MTAP: variants seen among roughly 807,000 people sequenced by gnomAD.
MTAP encodes S-methyl-5'-thioadenosine phosphorylase.
A neutral mutation model predicts 33.6 loss-of-function variants in MTAP; 33 were observed. The ratio of observed to expected loss-of-function variants is 0.98; its 90% CI spans 0.74 to 1.31. The LOEUF (loss-of-function observed/expected upper bound fraction) is 1.31. Among genes scored for constraint, MTAP ranks in the 40% most tolerant of loss-of-function variants. The pLI, the probability that MTAP is intolerant of heterozygous loss-of-function variation, is 0.00. For synonymous variants in MTAP, 148 were observed against 125.7 expected (o/e 1.18, Z -1.19); for missense variants, 367 against 360.0 (o/e 1.02, Z -0.16).
chr9:21,912,520 A>G (rs1818596233), intron 1 of MTAP, among the ~76,000 whole-genome samples: 1 of 152,212 alleles, frequency 6.6e-6, no homozygotes, highest in Admixed American at 6.5e-5. Context: ...AAACATAACC[A>G]AAGACAAAAA....
intron 4 of MTAP, among the ~76,000 whole-genome samples, chr9:21,823,167 C>T (rs1031696677): frequency 6.6e-6 from 1 of 152,174 alleles, no homozygotes; most frequent in African/African-American, 2.4e-5. Flanking sequence ...TTGATCCTGT[C>T]ACTATGATGT....
At chr9:21,835,413 C>T (rs1438572571) in intron 4 of MTAP, among the ~76,000 whole-genome samples, 8 of 152,090 alleles carry the variant, frequency 5.3e-5, no homozygotes, top group African/African-American at 1.9e-4. Context: ...ACTATATTTC[C>T]TGTGTTTTCT....
At chr9:21,918,703 G>A (rs117845049) in intron 1 of MTAP, among the ~76,000 whole-genome samples, 2,409 of 152,262 alleles carry the variant, frequency 0.016, 20 homozygotes, top group Middle Eastern at 0.038. Context: ...CTGTTCTCGT[G>A]ATAGTGAATA....
At chr9:21,906,765 A>T (rs1818484864) in intron 1 of MTAP, among the ~76,000 whole-genome samples, 1 of 152,252 alleles carries the variant, frequency 6.6e-6, no homozygotes, top group African/African-American at 2.4e-5. Context: ...AAGAACATTT[A>T]TTGGTATAAC....
chr9:21,859,596 C>G (rs1054090822), intron 7 of MTAP, 171 bp downstream of exon 7: 1 of 648,466 alleles, frequency 1.5e-6, no homozygotes, highest in African/African-American at 1.9e-5. Flanking sequence ...ACTGAGTAGT[C>G]TTATTTTCTG....
chr9:21,897,793 A>G (rs1818321087), intron 1 of MTAP, among the ~76,000 whole-genome samples: 3 of 152,236 alleles, frequency 2.0e-5, no homozygotes, highest in African/African-American at 7.2e-5. Context: ...TATCATGAAA[A>G]TGGCCATACT....
chr9:21,805,179 G>A (rs1303174986), intron 1 of MTAP, among the ~76,000 whole-genome samples: 1 of 144,648 alleles, frequency 6.9e-6, no homozygotes, highest in African/African-American at 2.7e-5. Flanking sequence ...GTCAGCCCAA[G>A]TACCTCTCTT....
At chr9:21,850,098 C>T (rs1306588539) in intron 5 of MTAP, among the ~76,000 whole-genome samples, 1 of 152,216 alleles carries the variant, frequency 6.6e-6, no homozygotes, top group African/African-American at 2.4e-5. Context: ...TGGTCCATTA[C>T]ATTGATGACA....
At chr9:21,891,811 A>G (rs1263422392) in intron 1 of MTAP, among the ~76,000 whole-genome samples, 2 of 152,186 alleles carry the variant, frequency 1.3e-5, no homozygotes, top group African/African-American at 4.8e-5. Flanking sequence ...ACCATCCCCA[A>G]GACACATAGT....
At chr9:21,934,875 A>G, downstream of MTAP, 1 of 151,584 alleles carries the variant, frequency 6.6e-6, no homozygotes. The surrounding 1 kb of genome is among the most constrained non-coding windows in gnomAD (Gnocchi z 5.0). Context: ...TAATTTTTGT[A>G]TTTTTAGTAG....
chr9:21,818,701 CATT>C (rs1173400507), intron 4 of MTAP, among the ~76,000 whole-genome samples: 1 of 152,136 alleles, frequency 6.6e-6, no homozygotes, highest in African/African-American at 2.4e-5. Context: ...TGAGGTATAA[CATT>C]ATATTTTGAT....
downstream of MTAP, among the ~76,000 whole-genome samples, chr9:21,939,210 C>G (rs1012838089): frequency 6.6e-6 from 1 of 152,216 alleles, no homozygotes; most frequent in African/African-American, 2.4e-5. Context: ...TCCCCAGCCA[C>G]GTGGAACTGT....
chr9:21,920,915 A>C (rs1818777194), intron 1 of MTAP, among the ~76,000 whole-genome samples: 1 of 152,186 alleles, frequency 6.6e-6, no homozygotes, highest in Admixed American at 6.5e-5. Flanking sequence ...TATCAAGGTA[A>C]TGCTGACCTT....
intron 5 of MTAP, among the ~76,000 whole-genome samples, chr9:21,850,885 C>G (rs1277254960): frequency 6.6e-6 from 1 of 152,104 alleles, no homozygotes; most frequent in Non-Finnish European, 1.5e-5. Flanking sequence ...TTTGCTGTGC[C>G]CGTGCATGGC....
intron 1 of MTAP, among the ~76,000 whole-genome samples, chr9:21,898,519 C>G (rs1587283394): frequency 6.6e-6 from 1 of 152,150 alleles, no homozygotes; most frequent in Admixed American, 6.6e-5. Context: ...CTACAAAGAA[C>G]TTAAACAAAT....
chr9:21,856,990 A>G (rs544273599), intron 6 of MTAP, among the ~76,000 whole-genome samples: 18 of 152,360 alleles, frequency 1.2e-4, no homozygotes, highest in African/African-American at 4.3e-4. Flanking sequence ...GAATTAAACC[A>G]AATGAGATAT....
chr9:21,844,578 G>C (rs1563843720), intron 5 of MTAP, among the ~76,000 whole-genome samples: 1 of 152,052 alleles, frequency 6.6e-6, no homozygotes, highest in East Asian at 1.9e-4. Context: ...GTTTAACATA[G>C]GCAAGTCAAT....
intron 1 of MTAP, among the ~76,000 whole-genome samples, chr9:21,900,178 G>A (rs186441055): frequency 4.9e-4 from 75 of 152,184 alleles, no homozygotes; most frequent in Non-Finnish European, 1.0e-3. Flanking sequence ...AAATTGACAA[G>A]TGGGACCTAA....
intron 1 of MTAP, among the ~76,000 whole-genome samples, chr9:21,926,511 G>T (rs181585111): frequency 1.3e-5 from 2 of 152,136 alleles, no homozygotes. Flanking sequence ...GCTTTCTTTT[G>T]TGTCTCCCTA....
Sources: allele counts gnomAD v4.1 joint callset (sites outside exome capture counted in the v4.1 genomes callset), GRCh38; gene constraint gnomAD v4.1.1; non-coding constraint Gnocchi (gnomAD v3.1); transcripts MANE v1.5; gene names NCBI Gene and HGNC (gene_info 2026-07-23, HGNC 2026-07-21).